The following CUL1 variants were observed in gnomAD, a reference collection of about 807,000 sequenced individuals.
CUL1 encodes cullin-1.
A neutral mutation model predicts 118.0 loss-of-function variants in CUL1; 24 were observed. The observed-to-expected ratio is 0.20, with a 90% CI of 0.15 to 0.29. The LOEUF (loss-of-function observed/expected upper bound fraction) is 0.29, where lower values mean the gene tolerates loss of function less well. CUL1 is among the 10% of genes least tolerant of loss of function. CUL1 has a pLI of 1.00. For missense variants in CUL1, 361 were observed against 933.8 expected (o/e 0.39, Z 7.99); for synonymous variants, 332 against 340.4 (o/e 0.98, Z 0.27).
intron 1 of CUL1, among the ~76,000 whole-genome samples, chr7:148,705,215 A>G (rs1305482585): frequency 6.6e-6 from 1 of 152,208 alleles, no homozygotes; most frequent in Admixed American, 6.5e-5. Context: ...ATTAGGTACT[A>G]ATGAATTGTC....
chr7:148,742,029 T>C (rs554487344), intron 2 of CUL1, among the ~76,000 whole-genome samples: 1 of 152,360 alleles, frequency 6.6e-6, no homozygotes, highest in African/African-American at 2.4e-5. Context: ...GAAATTGTGA[T>C]GTTTGAGTCC....
At chr7:148,736,248 G>A (rs1798938062) in intron 2 of CUL1, among the ~76,000 whole-genome samples, 1 of 152,168 alleles carries the variant, frequency 6.6e-6, no homozygotes, top group Admixed American at 6.5e-5. Context: ...AAGCTCTACA[G>A]TGCAGGCAGA....
At chr7:148,795,488 A>C (rs1801156779) in intron 17 of CUL1, among the ~76,000 whole-genome samples, 1 of 151,468 alleles carries the variant, frequency 6.6e-6, no homozygotes, top group African/African-American at 2.4e-5. Context: ...TAAGTACCGC[A>C]GGGTGTGGTG....
At chr7:148,783,510 CTT>C (rs952341419) in intron 9 of CUL1, 47 of 1,268,426 alleles carry the variant, frequency 3.7e-5, no homozygotes, top group African/African-American at 6.0e-5. Flanking sequence ...TTCATGATCT[CTT>C]TGAGTTTTCA....
At position 148,800,718 on chromosome 7, in the gene CUL1, C is replaced by A; in HGVS notation, c.*136C>A. On this transcript the variant is annotated 3_prime_UTR_variant, in exon 22 of 22. Coordinates refer to ENST00000325222, the MANE Select transcript of CUL1 (RefSeq NM_003592.3). The surrounding 1 kb of genome is among the most constrained non-coding windows in gnomAD (Gnocchi z 4.6). ...TAAAAACTGAGACCAAGACTCCCAT[C>A]AGCTGGTCTCGGATTTACATCGGAA... The A allele has an allele frequency of 1.5e-6, 1 of 651,148 alleles. No individual in the cohort carries two copies. The highest frequency in any genetic ancestry group is 2.7e-6 in the Non-Finnish European group (1 of 368,900). 40.3% of individuals were successfully genotyped at this position (651,148 alleles called of 1,614,324 possible).
At chr7:148,798,064 TC>T (rs1563172733) in intron 19 of CUL1, 45 bp downstream of exon 19, 1 of 1,168,794 alleles carries the variant, frequency 8.6e-7, no homozygotes, top group Admixed American at 1.8e-5. Flanking sequence ...CATAGACACG[TC>T]CCCCGGGAGC....
intron 9 of CUL1, among the ~76,000 whole-genome samples, chr7:148,769,255 G>A (rs1800121164): frequency 6.6e-6 from 1 of 152,026 alleles, no homozygotes; most frequent in Non-Finnish European, 1.5e-5. Flanking sequence ...TTAAATCAGG[G>A]CACATAATTG....
chr7:148,767,595 A>T, intron 8 of CUL1, 24 bp from the exon 9 acceptor site: 1 of 1,611,824 alleles, frequency 6.2e-7, no homozygotes, highest in Non-Finnish European at 8.5e-7. Flanking sequence ...TTCAGTGCAT[A>T]AAAGGGGTTT....
chr7:148,708,748 G>A (rs151094806), intron 1 of CUL1, among the ~76,000 whole-genome samples: 2 of 152,322 alleles, frequency 1.3e-5, no homozygotes, highest in East Asian at 1.9e-4. Context: ...AAAGTAGCTG[G>A]ATGTTGGTTC....
At chr7:148,704,264 C>CA (rs1023304126) in intron 1 of CUL1, among the ~76,000 whole-genome samples, 48 of 149,636 alleles carry the variant, frequency 3.2e-4, no homozygotes, top group African/African-American at 1.1e-3. Flanking sequence ...CCCAGAAATG[C>CA]AAATCAGTGA....
chr7:148,798,112 A>C, intron 19 of CUL1, 93 bp downstream of exon 19: 1 of 715,584 alleles, frequency 1.4e-6, no homozygotes, highest in Non-Finnish European at 2.3e-6. Context: ...AAACCAAGGG[A>C]GACCGGGGAC....
intron 3 of CUL1, among the ~76,000 whole-genome samples, chr7:148,755,962 C>T (rs1396998000): frequency 1.9e-4 from 29 of 152,190 alleles, no homozygotes; most frequent in Admixed American, 1.8e-3. Context: ...CTCCTGCCCC[C>T]ACCTTCCTCT....
chr7:148,782,963 G>T (rs953720682), intron 9 of CUL1, among the ~76,000 whole-genome samples: 3 of 152,068 alleles, frequency 2.0e-5, no homozygotes, highest in Non-Finnish European at 4.4e-5. Flanking sequence ...TTTCCTGGCA[G>T]TGTGCTTAGC....
chr7:148,697,926 C>T (rs1276476237), upstream of CUL1: 1 of 152,196 alleles, frequency 6.6e-6, no homozygotes, highest in East Asian at 1.9e-4. Context: ...TATTTTATAT[C>T]ACGACTCATG....
chr7:148,761,745 AAGGC>A (rs1314357738), intron 7 of CUL1, among the ~76,000 whole-genome samples: 9 of 152,302 alleles, frequency 5.9e-5, no homozygotes, highest in African/African-American at 2.2e-4. Context: ...TTTACAGAAA[AAGGC>A]AGGCAGGCAG....
intron 9 of CUL1, chr7:148,783,281 CG>C (rs1800705195): frequency 1.0e-6 from 1 of 971,146 alleles, no homozygotes; most frequent in African/African-American, 1.8e-5. Flanking sequence ...CCCTGGCCCC[CG>C]GCATCGCCAC....
chr7:148,698,497 C>A (rs1056275272), upstream of CUL1: 2 of 152,096 alleles, frequency 1.3e-5, no homozygotes, highest in African/African-American at 4.8e-5. Context: ...CGCGCCGGGT[C>A]GGGGATGTCT....
intron 9 of CUL1, among the ~76,000 whole-genome samples, chr7:148,769,348 G>T (rs188068850): frequency 1.6e-3 from 242 of 147,462 alleles, no homozygotes; most frequent in Non-Finnish European, 2.9e-3. Context: ...TTACCCTTCA[G>T]TTTTTATGAC....
chr7:148,722,831 C>T (rs114479707), intron 1 of CUL1, among the ~76,000 whole-genome samples: 120 of 152,352 alleles, frequency 7.9e-4, no homozygotes, highest in African/African-American at 2.7e-3. Context: ...GGCACTCCCA[C>T]AGTGCCCCTT....
Sources: allele counts gnomAD v4.1 joint callset (sites outside exome capture counted in the v4.1 genomes callset), GRCh38; gene constraint gnomAD v4.1.1; non-coding constraint Gnocchi (gnomAD v3.1); transcripts MANE v1.5; gene names NCBI Gene and HGNC (gene_info 2026-07-23, HGNC 2026-07-21).